KIAA0513: variants seen among roughly 807,000 people sequenced by gnomAD.
KIAA0513 encodes the protein uncharacterized protein KIAA0513.
KIAA0513 carries 39 observed loss-of-function variants against 56.5 expected under a neutral mutation model. The observed-to-expected ratio is 0.69, with a 90% CI of 0.53 to 0.90. KIAA0513 has a LOEUF of 0.90. Ranked by LOEUF, KIAA0513 falls within the 40% of genes least tolerant of loss-of-function variation. KIAA0513 has a pLI of 0.00. For missense variants in KIAA0513, 591 were observed against 535.2 expected, an observed-to-expected ratio of 1.10 and a Z score of -1.03; for synonymous variants, 268 against 215.6, an observed-to-expected ratio of 1.24 and a Z score of -2.13.
Position 85,081,210 on chromosome 16 carries a change from C to A in KIAA0513, c.903-105C>A. ...ACCTCTCTGAGACTTCTTAGAAGCT[C>A]AGACAGATGTGAGACACTGCCCTTG... On this transcript the variant is annotated intron_variant, in intron 8 of 12. Coordinates refer to ENST00000683363, the MANE Select transcript of KIAA0513 (RefSeq NM_001388359.1). The surrounding 1 kb of genome is among the most constrained non-coding windows in gnomAD (Gnocchi z 4.4). 1 of 1,010,390 alleles carries A rather than the reference C, an allele frequency of 9.9e-7. No homozygotes were observed. The highest frequency in any genetic ancestry group is 1.3e-5 in the South Asian group (1 of 77,152). 62.6% of individuals were successfully genotyped at this position (1,010,390 alleles called of 1,614,324 possible). A position where few individuals can be genotyped will look rare whatever the true frequency, so the allele number is the denominator to read the frequency against.
Position 85,052,516 on chromosome 16 carries a change from A to G in KIAA0513, c.-172-14384A>G, listed in dbSNP as rs569328820. On this transcript the variant is annotated intron_variant, in intron 1 of 12. Transcript: ENST00000683363. ...GCAACAAGAGCAAAACCCTGTCTCA[A>G]ATCAATCAGTCAATCAGTCAATCAA... Among the ~76,000 whole-genome samples the G allele has an allele frequency of 2.8e-4, 43 of 152,212 alleles. 1 individual carries two copies. The highest frequency in any genetic ancestry group is 5.9e-4 in the Non-Finnish European group (40 of 68,032).
At chr16:85,077,251 C>G (rs562491559) in intron 5 of KIAA0513, among the ~76,000 whole-genome samples, 174 bp from the exon 6 acceptor site, 1 of 152,290 alleles carries the variant, frequency 6.6e-6, no homozygotes, top group Admixed American at 6.5e-5. Context: ...GCAGGGCCCC[C>G]ACTTCCTCAT....
intron 1 of KIAA0513, among the ~76,000 whole-genome samples, chr16:85,043,679 C>T (rs958675391): frequency 6.6e-6 from 1 of 152,090 alleles, no homozygotes; most frequent in African/African-American, 2.4e-5. Context: ...TCCCAAAGTG[C>T]TGGAATTACA....
intron 7 of KIAA0513, 42 bp from the exon 8 acceptor site, chr16:85,078,883 C>A: frequency 6.2e-7 from 1 of 1,609,188 alleles, no homozygotes. Context: ...ACAGTGGGTG[C>A]GCAACCAGAG....
At chr16:85,059,797 T>C (rs1417104471) in intron 1 of KIAA0513, among the ~76,000 whole-genome samples, 1 of 152,250 alleles carries the variant, frequency 6.6e-6, no homozygotes, top group Non-Finnish European at 1.5e-5. Flanking sequence ...GGGAGGACCA[T>C]AACCTATTTC....
chr16:85,072,718 C>T (rs1299884049), intron 3 of KIAA0513, among the ~76,000 whole-genome samples: 2 of 152,116 alleles, frequency 1.3e-5, no homozygotes, highest in African/African-American at 4.8e-5. Flanking sequence ...CTGCATGTGC[C>T]CTGCCCAGTG....
intron 1 of KIAA0513, among the ~76,000 whole-genome samples, chr16:85,047,223 G>A (rs556172402): frequency 1.3e-5 from 2 of 152,152 alleles, no homozygotes; most frequent in African/African-American, 2.4e-5. Flanking sequence ...TGTGGGCCCC[G>A]GGCATGCTCC....
chr16:85,087,219 C>T (rs924056057), intron 12 of KIAA0513, 53 bp downstream of exon 12: 10 of 1,436,646 alleles, frequency 7.0e-6, no homozygotes, highest in Non-Finnish European at 9.8e-6. Context: ...GGGTCAGGAG[C>T]CAGTGCTGTG....
chr16:85,054,437 T>TTTTTTTTTTTTTTTTTTTC (rs2073299672), intron 1 of KIAA0513, among the ~76,000 whole-genome samples: 1 of 141,768 alleles, frequency 7.1e-6, no homozygotes, highest in Non-Finnish European at 1.5e-5. Flanking sequence ...TTTTTTTTTT[T>TTTTTTTTTTTTTTTTTTTC]TTGTTGTTGT....
At chr16:85,084,524 G>A (rs1265397440) in intron 10 of KIAA0513, among the ~76,000 whole-genome samples, 3 of 151,248 alleles carry the variant, frequency 2.0e-5, no homozygotes, top group Non-Finnish European at 1.5e-5. Flanking sequence ...CTGCCTCCCG[G>A]GTTCAAGCAA....
intron 1 of KIAA0513, among the ~76,000 whole-genome samples, chr16:85,056,645 T>C (rs2073334199): frequency 6.6e-6 from 1 of 152,212 alleles, no homozygotes; most frequent in African/African-American, 2.4e-5. Flanking sequence ...CCGAGAGCCC[T>C]TTGTTCACTG....
At chr16:85,038,716 A>C in intron 1 of KIAA0513, among the ~76,000 whole-genome samples, 1 of 150,038 alleles carries the variant, frequency 6.7e-6, no homozygotes, top group African/African-American at 2.5e-5. Flanking sequence ...TCAAAAAAAA[A>C]AAAAAAATAA....
rs1310723749 is a variant in KIAA0513 at position 85,038,767 on chromosome 16, T to C, written c.-173+10909T>C. Among the ~76,000 whole-genome samples, 116 of 150,740 alleles carry C rather than the reference T, an allele frequency of 7.7e-4. 1 individual carries two copies. The highest frequency in any genetic ancestry group is 1.3e-4 in the Non-Finnish European group (9 of 67,814). On this transcript the variant is annotated intron_variant, in intron 1 of 12. Transcript: ENST00000683363. ...TGTTGATAGATTCTATTTAACTCAATGTATCCAAAATATTATTATTTCTAC... is the reference window on the plus strand; with the variant it reads ...TGTTGATAGATTCTATTTAACTCAACGTATCCAAAATATTATTATTTCTAC...
chr16:85,050,722 G>A (rs1453150809), intron 1 of KIAA0513, among the ~76,000 whole-genome samples: 1 of 152,168 alleles, frequency 6.6e-6, no homozygotes, highest in African/African-American at 2.4e-5. Flanking sequence ...GTTTGTTGTG[G>A]AGCCTTGTGC....
In KIAA0513 at chr16:85,077,528, C is replaced by T. The variant is rs200185234; in HGVS notation, c.678C>T (p.Ile226=). 269 of 1,614,174 alleles carry T rather than the reference C, an allele frequency of 1.7e-4. No individual in the cohort carries two copies. The highest frequency in any genetic ancestry group is 4.9e-4 in the Middle Eastern group (3 of 6,062). ...GCTGGCTGGCCGAAAAGAAGGACATCGCCGAGCGGCTGCTGAAGAACACCT... is the reference window on the plus strand; with the variant it reads ...GCTGGCTGGCCGAAAAGAAGGACATTGCCGAGCGGCTGCTGAAGAACACCT... ...ANSWLAEKKD[I]AERLLKNTSA... is the part of the protein sequence containing the mutation. Residue 226 remains isoleucine (I), a synonymous_variant, in exon 6 of 13, where the codon ATC becomes ATT. Transcript: ENST00000683363.
At position 85,090,981 on chromosome 16, in the gene KIAA0513, G is replaced by A. The variant is rs1393865494; in HGVS notation, c.*2656G>A. ...CACTGCTCAAAGGTCCCTGCGTGGG[G>A]AGGTGTCACACCAGGGGCACACCCA... On this transcript the variant is annotated 3_prime_UTR_variant, in exon 13 of 13. Coordinates refer to ENST00000683363, the MANE Select transcript of KIAA0513 (RefSeq NM_001388359.1). 6.6e-6 allele frequency: 1 copy of A among 152,280 alleles called. No individual in the cohort carries two copies. The highest frequency in any genetic ancestry group is 2.1e-4 in the South Asian group (1 of 4,832). The allele number at this position is 152,280 out of a possible 1,614,324, so 9.4% of individuals were successfully genotyped here. A position where few individuals can be genotyped will look rare whatever the true frequency, so the allele number is the denominator to read the frequency against.
At chr16:85,055,556 AAAC>A (rs1360507056) in intron 1 of KIAA0513, among the ~76,000 whole-genome samples, 5 of 152,184 alleles carry the variant, frequency 3.3e-5, no homozygotes, top group African/African-American at 1.2e-4. Flanking sequence ...AAACACACAC[AAAC>A]AACTGCAGGG....
At chr16:85,053,171 G>A (rs1212442635) in intron 1 of KIAA0513, among the ~76,000 whole-genome samples, 1 of 152,208 alleles carries the variant, frequency 6.6e-6, no homozygotes, top group Non-Finnish European at 1.5e-5. Context: ...TTACAGGCGT[G>A]AGCCACCACG....
chr16:85,070,488 G>C (rs1388962592), intron 2 of KIAA0513, among the ~76,000 whole-genome samples: 1 of 152,140 alleles, frequency 6.6e-6, no homozygotes, highest in Admixed American at 6.5e-5. Flanking sequence ...GACCAGCCTG[G>C]CCAACATGAT....
Sources: allele counts gnomAD v4.1 joint callset (sites outside exome capture counted in the v4.1 genomes callset), GRCh38; gene constraint gnomAD v4.1.1; non-coding constraint Gnocchi (gnomAD v3.1); transcripts MANE v1.5; gene names NCBI Gene and HGNC (gene_info 2026-07-23, HGNC 2026-07-21).